The following ATP9A variants were observed in gnomAD, a reference collection of about 807,000 sequenced individuals.
ATP9A encodes the protein probable phospholipid-transporting ATPase IIA.
In ATP9A, 52 loss-of-function variants were observed where a neutral mutation model predicts 144.1. The ratio of observed to expected loss-of-function variants is 0.36; its 90% confidence interval spans 0.29 to 0.45. ATP9A has a LOEUF of 0.45. Ranked by LOEUF, ATP9A falls within the 20% of genes least tolerant of loss-of-function variation. The pLI is 1.00. For missense variants in ATP9A, 947 were observed against 1,392.7 expected (o/e 0.68, Z 5.09); for synonymous variants, 582 against 557.4 (o/e 1.04, Z -0.62).
chr20:51,753,454 A>AAACAAC (rs11472926), intron 1 of ATP9A, among the ~76,000 whole-genome samples: 9,611 of 149,140 alleles, frequency 0.064, 445 homozygotes, highest in Non-Finnish European at 0.086. Context: ...CCGTCTCAAA[A>AAACAAC]AACAACAACA....
chr20:51,712,074 C>CTT lies in ATP9A; in HGVS notation c.436+890_436+891dup, dbSNP rs74175572. Among the ~76,000 whole-genome samples the CTT allele has an allele frequency of 2.2e-3, 213 of 98,822 alleles. 3 individuals carry two copies. The highest frequency in any genetic ancestry group is 6.5e-3 in the African/African-American group (174 of 26,858). The allele number at this position is 98,822 out of a possible 152,430, so 64.8% of individuals were successfully genotyped here. ...TTTCCACCATGTTGGCCAGGCTGGT[C>CTT]TTTTTTTTTTTTTTTTGAGATGGAG... is the stretch of plus-strand genomic sequence containing the variant. On this transcript the variant is annotated intron_variant, in intron 4 of 27. Transcript: ENST00000338821.
chr20:51,695,213 G>C (rs999103045), intron 6 of ATP9A, among the ~76,000 whole-genome samples: 1 of 152,120 alleles, frequency 6.6e-6, no homozygotes, highest in Non-Finnish European at 1.5e-5. Flanking sequence ...TTTTGGCCAG[G>C]CGTGGTGGCT....
chr20:51,622,289 T>TC, intron 18 of ATP9A, 117 bp from the exon 19 acceptor site: 1 of 770,298 alleles, frequency 1.3e-6, no homozygotes, highest in South Asian at 1.6e-5. Context: ...GTTTACCTCC[T>TC]GCCGACTCAT....
At chr20:51,745,723 G>A (rs1295491159) in intron 1 of ATP9A, among the ~76,000 whole-genome samples, 1 of 152,210 alleles carries the variant, frequency 6.6e-6, no homozygotes, top group East Asian at 1.9e-4. Flanking sequence ...CTGCCCACTA[G>A]GCTTCTGTGA....
At chr20:51,635,900 G>T (rs2077290308) in intron 15 of ATP9A, among the ~76,000 whole-genome samples, 1 of 148,866 alleles carries the variant, frequency 6.7e-6, no homozygotes, top group Non-Finnish European at 1.5e-5. Flanking sequence ...GAGGGGAGAG[G>T]ACAGGAGGAA....
intron 15 of ATP9A, among the ~76,000 whole-genome samples, chr20:51,631,318 T>C (rs2077268831): frequency 6.6e-6 from 1 of 152,218 alleles, no homozygotes. Context: ...ACTTTATCTC[T>C]GATAGACTGT....
chr20:51,711,852 A>ATTT (rs11469394), intron 4 of ATP9A, among the ~76,000 whole-genome samples: 32 of 120,940 alleles, frequency 2.6e-4, no homozygotes, highest in African/African-American at 3.4e-4. Context: ...TTCAATTTCA[A>ATTT]TTTTTTTTTT....
chr20:51,646,548 C>G (rs1450084304), intron 14 of ATP9A, among the ~76,000 whole-genome samples: 2 of 152,178 alleles, frequency 1.3e-5, no homozygotes. Context: ...GTTGCAGGTT[C>G]AAATGCCGAC....
chr20:51,725,968 G>T, intron 2 of ATP9A, 36 bp from the exon 3 acceptor site: 1 of 1,229,910 alleles, frequency 8.1e-7, no homozygotes, highest in Non-Finnish European at 1.2e-6. Context: ...AAGACATTCA[G>T]GGCTTGTCTG....
At chr20:51,668,773 TGAC>T (rs2077444265) in intron 13 of ATP9A, among the ~76,000 whole-genome samples, 1 of 152,192 alleles carries the variant, frequency 6.6e-6, no homozygotes, top group Non-Finnish European at 1.5e-5. Context: ...TTGTAGATGA[TGAC>T]AAGAACTGTG....
intron 1 of ATP9A, among the ~76,000 whole-genome samples, chr20:51,742,456 G>A (rs1432473738): frequency 6.6e-6 from 1 of 152,114 alleles, no homozygotes; most frequent in Non-Finnish European, 1.5e-5. Context: ...CCAGCTGGCT[G>A]CTGCAGCTGG....
intron 4 of ATP9A, among the ~76,000 whole-genome samples, chr20:51,703,241 AAC>A (rs1302811007): frequency 6.6e-6 from 1 of 152,124 alleles, no homozygotes; most frequent in African/African-American, 2.4e-5. Context: ...GGGAAGTAAA[AAC>A]ACCCAATAAT....
chr20:51,697,259 G>C (rs1280786936), intron 5 of ATP9A, among the ~76,000 whole-genome samples, 165 bp downstream of exon 5: 1 of 151,958 alleles, frequency 6.6e-6, no homozygotes, highest in African/African-American at 2.4e-5. Flanking sequence ...GTCTGTGTGT[G>C]TGTGTGTCTG....
rs879439813 is a variant in ATP9A at position 51,685,587 on chromosome 20, A to AAAAGC, written c.799+3476_799+3477insGCTTT. ...TCAGAAAAAAAAGAAAAGAAAAAAG[A>AAAAGC]AAAGAAAAGAAAAACAGACACGAAA... On this transcript the variant is annotated intron_variant, in intron 9 of 27. Coordinates refer to ENST00000338821, the MANE Select transcript of ATP9A (RefSeq NM_006045.3). Among the ~76,000 whole-genome samples the AAAAGC allele has an allele frequency of 1.0e-3, 155 of 151,782 alleles. 1 individual carries two copies. The highest frequency in any genetic ancestry group is 1.9e-3 in the Non-Finnish European group (132 of 67,938).
chr20:51,671,583 T>A (rs962537957), intron 11 of ATP9A, among the ~76,000 whole-genome samples: 6 of 152,172 alleles, frequency 3.9e-5, no homozygotes, highest in Non-Finnish European at 8.8e-5. Context: ...TTCATTTTTT[T>A]AATTGTGGTA....
chr20:51,695,970 C>T (rs1046527417), intron 6 of ATP9A, 123 bp downstream of exon 6: 30 of 850,430 alleles, frequency 3.5e-5, no homozygotes, highest in Non-Finnish European at 4.5e-5. Flanking sequence ...TAAAAAGATG[C>T]TTTTGATTTG....
At chr20:51,670,220 G>T in intron 12 of ATP9A, 111 bp from the exon 13 acceptor site, 1 of 780,986 alleles carries the variant, frequency 1.3e-6, no homozygotes. Context: ...ACACACTGCA[G>T]TCAGTACTGT....
chr20:51,708,626 T>C (rs2077624722), intron 4 of ATP9A, among the ~76,000 whole-genome samples: 1 of 152,144 alleles, frequency 6.6e-6, no homozygotes, highest in African/African-American at 2.4e-5. Flanking sequence ...TCCCAGCTGC[T>C]TGAGTGGCCG....
At chr20:51,734,229 C>T (rs1195934749) in intron 1 of ATP9A, among the ~76,000 whole-genome samples, 2 of 152,106 alleles carry the variant, frequency 1.3e-5, no homozygotes, top group Non-Finnish European at 1.5e-5. Flanking sequence ...AGTGATCTGC[C>T]CACCTCATCT....
Sources: gnomAD v4.1 joint callset for allele counts (sites outside exome capture counted in the v4.1 genomes callset) on GRCh38, gnomAD v4.1.1 for gene constraint, MANE v1.5 for transcripts, NCBI Gene and HGNC (gene_info 2026-07-23, HGNC 2026-07-21) for gene names.